Variants in BRAF observed in about 807,000 individuals in gnomAD.
BRAF encodes serine/threonine-protein kinase B-raf.
In BRAF, 16 loss-of-function variants were observed where a neutral mutation model predicts 104.6. That is an observed-to-expected ratio of 0.15 (90% CI 0.10 to 0.23). The LOEUF is 0.23. Ranked by LOEUF, BRAF falls within the 10% of genes least tolerant of loss-of-function variation. The pLI, the probability that BRAF is intolerant of heterozygous loss-of-function variation, is 1.00. For missense variants in BRAF, 541 were observed against 937.3 expected, an observed-to-expected ratio of 0.58 and a Z score of 5.52; for synonymous variants, 310 against 341.6, an observed-to-expected ratio of 0.91 and a Z score of 1.02.
intron 9 of BRAF, among the ~76,000 whole-genome samples, chr7:140,786,168 C>G (rs1437111857): frequency 6.6e-6 from 1 of 151,944 alleles, no homozygotes; most frequent in Non-Finnish European, 1.5e-5. Flanking sequence ...TTGGCAGGTT[C>G]ATGAAATAAC....
chr7:140,790,897 A>G (rs1285552284), intron 8 of BRAF, among the ~76,000 whole-genome samples: 1 of 152,194 alleles, frequency 6.6e-6, no homozygotes, highest in African/African-American at 2.4e-5. Context: ...ACTTGAGGTC[A>G]GGAGTTCAGG....
rs1011876430 is a variant in BRAF at position 140,726,108 on chromosome 7, A to T, written c.*386T>A. 8.2e-6 allele frequency: 9 copies of T among 1,092,768 alleles called. No homozygotes were observed. The East Asian group carries it at 4.2e-4, about 51-fold the overall frequency. 67.7% of individuals were successfully genotyped at this position (1,092,768 alleles called of 1,614,324 possible). A position where few individuals can be genotyped will look rare whatever the true frequency, so the allele number is the denominator to read the frequency against. On this transcript the variant is annotated 3_prime_UTR_variant, in exon 20 of 20. Transcript: ENST00000644969. Reference sequence around the variant, plus strand: ...CTGCCCCATCAGATGATCAGCCACAAATTGATCTGGTGGTTAGAAGGGCAA... The same window carrying T: ...CTGCCCCATCAGATGATCAGCCACATATTGATCTGGTGGTTAGAAGGGCAA...
intron 5 of BRAF, among the ~76,000 whole-genome samples, chr7:140,802,241 C>G (rs1236585841): frequency 6.6e-6 from 1 of 151,206 alleles, no homozygotes; most frequent in African/African-American, 2.4e-5. Flanking sequence ...CCTAGTGATA[C>G]CTTGAAGATC....
chr7:140,721,100 T>G lies in BRAF; in HGVS notation c.*5394A>C. 4.7e-6 allele frequency: 5 copies of G among 1,064,644 alleles called. No homozygotes were observed. Among genetic ancestry groups the G allele is most frequent in the Non-Finnish European group, 5.7e-6 (5 of 878,956 alleles). 65.9% of individuals were successfully genotyped at this position (1,064,644 alleles called of 1,614,324 possible). A position where few individuals can be genotyped will look rare whatever the true frequency, so the allele number is the denominator to read the frequency against. ...TAAAAAAAAATGCACCTCTAAAAAA[T>G]GGATACACTGGCTTACATTGGCTGT... On this transcript the variant is annotated 3_prime_UTR_variant, in exon 20 of 20. Transcript: ENST00000644969.
intron 14 of BRAF, among the ~76,000 whole-genome samples, chr7:140,770,401 A>C (rs901471204): frequency 2.6e-5 from 4 of 152,078 alleles, no homozygotes; most frequent in Admixed American, 2.6e-4. Context: ...TATTTTGAGA[A>C]TATAATGCTT....
chr7:140,831,970 T>C (rs561168167), intron 3 of BRAF, among the ~76,000 whole-genome samples: 207 of 152,334 alleles, frequency 1.4e-3, no homozygotes, highest in Admixed American at 2.7e-3. Flanking sequence ...GCTCCCTTCA[T>C]GTAAGAATCT....
chr7:140,861,434 T>C (rs1810404260), intron 1 of BRAF, among the ~76,000 whole-genome samples: 2 of 152,156 alleles, frequency 1.3e-5, no homozygotes, highest in Non-Finnish European at 2.9e-5. Flanking sequence ...GGTGTATAGG[T>C]TTTCCAGGAA....
At chr7:140,885,369 A>G (rs1813449719) in intron 1 of BRAF, among the ~76,000 whole-genome samples, 1 of 152,110 alleles carries the variant, frequency 6.6e-6, no homozygotes, top group Admixed American at 6.6e-5. Flanking sequence ...TTAACAAAAG[A>G]TATCTGGATT....
chr7:140,849,966 T>G (rs952675129), intron 2 of BRAF, 145 bp downstream of exon 2: 9 of 628,082 alleles, frequency 1.4e-5, no homozygotes, highest in African/African-American at 9.2e-5. Flanking sequence ...GATTAAGAAG[T>G]ATAATACAGG....
In BRAF at chr7:140,721,088, A is replaced by G; in HGVS notation, c.*5406T>C. 1 of 1,064,272 alleles carries G rather than the reference A, an allele frequency of 9.4e-7. No homozygotes were observed. Among genetic ancestry groups the G allele is most frequent in the South Asian group, 4.6e-5 (1 of 21,972 alleles). The allele number at this position is 1,064,272 out of a possible 1,614,324, so 65.9% of individuals were successfully genotyped here. ...TACAGAATTCTTTAAAAAAAAATGC[A>G]CCTCTAAAAAATGGATACACTGGCT... On this transcript the variant is annotated 3_prime_UTR_variant, in exon 20 of 20. Coordinates refer to ENST00000644969, the MANE Select transcript of BRAF (RefSeq NM_001374258.1).
chr7:140,782,582 C>A (rs1286593672), intron 11 of BRAF, among the ~76,000 whole-genome samples: 1 of 151,496 alleles, frequency 6.6e-6, no homozygotes, highest in Non-Finnish European at 1.5e-5. Context: ...TTAAATTTTA[C>A]TTTAAGTTCT....
intron 2 of BRAF, among the ~76,000 whole-genome samples, chr7:140,840,355 TTTAAA>T (rs1807811846): frequency 1.2e-5 from 1 of 83,834 alleles, no homozygotes; most frequent in African/African-American, 2.0e-4. Context: ...TCCATCCACA[TTTAAA>T]CTTTAAAATA....
chr7:140,797,096 C>T (rs774051703), intron 7 of BRAF, among the ~76,000 whole-genome samples: 3 of 152,110 alleles, frequency 2.0e-5, no homozygotes, highest in Non-Finnish European at 2.9e-5. Flanking sequence ...GGCAAACTGG[C>T]TTTCTCCCAA....
At chr7:140,922,326 CAT>C (rs1449242153) in intron 1 of BRAF, among the ~76,000 whole-genome samples, 2 of 152,316 alleles carry the variant, frequency 1.3e-5, no homozygotes, top group African/African-American at 4.8e-5. Flanking sequence ...CTGCTCAAGA[CAT>C]GTGCCAAATA....
chr7:140,883,337 G>A (rs893523716), intron 1 of BRAF, among the ~76,000 whole-genome samples: 2 of 152,008 alleles, frequency 1.3e-5, no homozygotes, highest in Non-Finnish European at 2.9e-5. Flanking sequence ...TTCCTCTATG[G>A]TACCTTTATT....
intron 1 of BRAF, among the ~76,000 whole-genome samples, chr7:140,866,445 T>C (rs973836553): frequency 6.6e-6 from 1 of 152,198 alleles, no homozygotes; most frequent in Non-Finnish European, 1.5e-5. Context: ...GACTGTGCGC[T>C]CTGTGAATTT....
intron 7 of BRAF, among the ~76,000 whole-genome samples, chr7:140,794,776 T>TGG (rs1379682691): frequency 2.0e-5 from 3 of 152,222 alleles, no homozygotes; most frequent in Non-Finnish European, 4.4e-5. Context: ...GTTCAACCTT[T>TGG]GAAGTTATAT....
At chr7:140,752,633 AAG>A (rs1385304085) in intron 16 of BRAF, among the ~76,000 whole-genome samples, 2 of 151,464 alleles carry the variant, frequency 1.3e-5, no homozygotes, top group African/African-American at 4.8e-5. Context: ...AGAAGAAAGA[AAG>A]AGCTATGCAA....
At chr7:140,749,596 TA>T (rs1797625046) in intron 16 of BRAF, among the ~76,000 whole-genome samples, 178 bp from the exon 16 acceptor site, 1 of 152,222 alleles carries the variant, frequency 6.6e-6, no homozygotes, top group Non-Finnish European at 1.5e-5. Context: ...AACCTCTACA[TA>T]CTCAGAAAGA....
Sources: allele counts gnomAD v4.1 joint callset (sites outside exome capture counted in the v4.1 genomes callset), GRCh38; gene constraint gnomAD v4.1.1; transcripts MANE v1.5; gene names NCBI Gene and HGNC (gene_info 2026-07-23, HGNC 2026-07-21).